ARMC5: variants seen among roughly 807,000 people sequenced by gnomAD.
ARMC5 encodes armadillo repeat-containing protein 5.
Under a neutral mutation model 60.5 loss-of-function variants are expected in ARMC5, and 28 were observed. The ratio of observed to expected loss-of-function variants is 0.46; its 90% confidence interval spans 0.34 to 0.63. The LOEUF (loss-of-function observed/expected upper bound fraction) is 0.63, where lower values mean the gene tolerates loss of function less well. Among genes scored for constraint, ARMC5 ranks in the 30% least tolerant of loss-of-function variants. ARMC5 has a pLI of 0.01. For missense variants in ARMC5, 1,189 were observed against 1,304.9 expected, an observed-to-expected ratio of 0.91 and a Z score of 1.37; for synonymous variants, 680 against 607.3, an observed-to-expected ratio of 1.12 and a Z score of -1.76.
rs1266994121 is a variant in ARMC5 at position 31,466,387 on chromosome 16, C to G, written c.2306C>G (p.Thr769Ser). Residue 769 changes from threonine to serine, a missense_variant, in exon 6 of 6, where the codon ACC becomes AGC. Transcript: ENST00000268314. This position sits in a 1 kb window ranked among gnomAD's most constrained non-coding sequence, Gnocchi z 8.0. ...QLPAQRAASA[T>S]ASPFFRALLS... is the part of the protein sequence containing the mutation. The stretch of plus-strand genomic sequence containing the variant: ...CCTGCCCAGCGAGCGGCCTCAGCCA[C>G]CGCCTCCCCTTTCTTCCGGGCCCTG... The G allele has an allele frequency of 1.7e-5, 27 of 1,612,620 alleles. No individual in the cohort carries two copies. The highest frequency in any genetic ancestry group is 3.3e-5 in the Admixed American group (2 of 59,988).
intron 1 of ARMC5, among the ~76,000 whole-genome samples, chr16:31,461,293 C>T (rs1416016496): frequency 6.6e-6 from 1 of 152,176 alleles, no homozygotes; most frequent in East Asian, 1.9e-4. Context: ...TGTCACTCCC[C>T]TTCATAAAAC....
In ARMC5 at chr16:31,466,886, C is replaced by T; in HGVS notation, c.2805C>T (p.Ala935=). ...TTGAGTTGGGGGCAAGGGTCCCTGC[C>T]TAGACTGTTGACGTCCCCTGGGAAG... ...MGIELGARVP[A] is the part of the protein sequence containing the mutation. The change falls in exon 6 of 6, where the codon GCC becomes GCT. Residue 935 remains alanine, a synonymous_variant. Coordinates refer to ENST00000268314, the MANE Select transcript of ARMC5 (RefSeq NM_001105247.2). The surrounding 1 kb of genome is among the most constrained non-coding windows in gnomAD (Gnocchi z 8.0). 6.5e-7 allele frequency: 1 copy of T among 1,538,588 alleles called. No homozygotes were observed. Among genetic ancestry groups the T allele is most frequent in the East Asian group, 2.3e-5 (1 of 44,094 alleles).
Position 31,466,739 on chromosome 16 carries a change from C to T in ARMC5, c.2658C>T (p.Arg886=). The T allele has an allele frequency of 6.4e-7, 1 of 1,564,596 alleles. No homozygotes were observed. The highest frequency in any genetic ancestry group is 1.9e-5 in the Admixed American group (1 of 52,466). The part of the protein sequence containing the change: ...GRPRLAAHCA[R]WTLGSEQCPR... Reference sequence around the variant, plus strand: ...CCCGGCTGGCTGCCCACTGTGCCCGCTGGACACTGGGGTCAGAGCAGTGCC... The same window carrying T: ...CCCGGCTGGCTGCCCACTGTGCCCGTTGGACACTGGGGTCAGAGCAGTGCC... Residue 886 remains arginine (R), a synonymous_variant, in exon 6 of 6, where the codon CGC becomes CGT. Coordinates refer to ENST00000268314, the MANE Select transcript of ARMC5 (RefSeq NM_001105247.2). This position sits in a 1 kb window ranked among gnomAD's most constrained non-coding sequence, Gnocchi z 8.0.
In ARMC5 at chr16:31,462,388, G is replaced by T; in HGVS notation, c.841G>T (p.Gly281Trp). The change falls in exon 3 of 6, where the codon GGG becomes TGG. Residue 281 changes from glycine (G) to tryptophan (W), a missense_variant. Gly to Trp is a radical substitution (Grantham distance 184). Transcript: ENST00000268314. The surrounding 1 kb of genome is among the most constrained non-coding windows in gnomAD (Gnocchi z 7.2). The part of the protein sequence containing the change: ...RACAEQLSLG[G>W]GLGPLVSLAS... ...CTGTGCTGAGCAGCTAAGTCTGGGT[G>T]GGGGATTGGGCCCACTCGTCAGCCT... is the stretch of plus-strand genomic sequence containing the variant. 25 of 1,609,400 alleles carry T rather than the reference G, an allele frequency of 1.6e-5. No homozygotes were observed. The highest frequency in any genetic ancestry group is 2.1e-5 in the Non-Finnish European group (25 of 1,177,200).
chr16:31,464,907 C>T lies in ARMC5; in HGVS notation c.1864+20C>T, dbSNP rs202102202. The T allele has an allele frequency of 6.8e-6, 11 of 1,609,220 alleles. No homozygotes were observed. The highest frequency in any genetic ancestry group is 1.1e-5 in the South Asian group (1 of 91,044). ...AGCTGGGTGAGTTCCCATACCCACC[C>T]GTCTCCTTGCCCCCATGTGAGTCCC... On this transcript the variant is annotated intron_variant, in intron 4 of 5. Coordinates refer to ENST00000268314, the MANE Select transcript of ARMC5 (RefSeq NM_001105247.2). The surrounding 1 kb of genome is among the most constrained non-coding windows in gnomAD (Gnocchi z 7.6).
At chr16:31,460,869 C>T (rs2082298473) in intron 1 of ARMC5, among the ~76,000 whole-genome samples, 1 of 152,210 alleles carries the variant, frequency 6.6e-6, no homozygotes, top group East Asian at 1.9e-4. Context: ...AAATTGGTGC[C>T]TCCTAGTGGC....
chr16:31,458,327 T>A (rs866149028), upstream of ARMC5: 6 of 1,382,124 alleles, frequency 4.3e-6, no homozygotes, highest in Middle Eastern at 1.1e-3. Flanking sequence ...GTGAGCGCGC[T>A]GGTGCTGGAT....
upstream of ARMC5, chr16:31,459,348 C>G: frequency 1.3e-6 from 2 of 1,535,810 alleles, no homozygotes; most frequent in Non-Finnish European, 1.7e-6. Flanking sequence ...AAGGTACTGC[C>G]GCGCCTCGTG....
upstream of ARMC5, chr16:31,459,148 C>A (rs2082274078): frequency 3.3e-6 from 5 of 1,500,026 alleles, no homozygotes; most frequent in Non-Finnish European, 4.4e-6. Flanking sequence ...GCGGTCCCCG[C>A]CGAGTGCACG....
rs1401404051 is a variant in ARMC5 at position 31,464,712 on chromosome 16, C to T, written c.1689C>T (p.Ser563=). 1.3e-6 allele frequency: 2 copies of T among 1,598,898 alleles called. No homozygotes were observed. The highest frequency in any genetic ancestry group is 4.5e-5 in the East Asian group (2 of 44,838). The stretch of plus-strand genomic sequence containing the variant: ...TGACCGGCGCACCGGGCCCGCCCAG[C>T]CCACGTGCACTGCGCATTCTGTCAC... ...TYVTGAPGPP[S]PRALRILSRL... is the part of the protein sequence containing the mutation. The change falls in exon 4 of 6, where the codon AGC becomes AGT. Residue 563 remains serine, a synonymous_variant. Coordinates refer to ENST00000268314, the MANE Select transcript of ARMC5 (RefSeq NM_001105247.2). The surrounding 1 kb of genome is among the most constrained non-coding windows in gnomAD (Gnocchi z 7.6).
Position 31,464,835 on chromosome 16 carries a change from T to C in ARMC5, c.1812T>C (p.Asp604=), listed in dbSNP as rs528087546. Reference sequence around the variant, plus strand: ...TGGTGCTGGGGGTGGCGCCTGACGATTGGCCGGCACCACGTGCCCGGCCCA... The same window carrying C: ...TGGTGCTGGGGGTGGCGCCTGACGACTGGCCGGCACCACGTGCCCGGCCCA... ...AWLVLGVAPD[D]WPAPRARPTL... Residue 604 remains aspartate, a synonymous_variant, in exon 4 of 6, where the codon GAT becomes GAC. Transcript: ENST00000268314. The surrounding 1 kb of genome is among the most constrained non-coding windows in gnomAD (Gnocchi z 7.6). 1.3e-6 allele frequency: 2 copies of C among 1,597,652 alleles called. No individual in the cohort carries two copies. Among genetic ancestry groups the C allele is most frequent in the Admixed American group, 1.7e-5 (1 of 59,742 alleles).
At position 31,464,396 on chromosome 16, in the gene ARMC5, C is replaced by G. The variant is rs1252478434; in HGVS notation, c.1373C>G (p.Ser458Trp). 6.6e-7 allele frequency: 1 copy of G among 1,521,266 alleles called. No individual in the cohort carries two copies. Among genetic ancestry groups the G allele is most frequent in the Non-Finnish European group, 8.8e-7 (1 of 1,134,670 alleles). 94.2% of individuals were successfully genotyped at this position (1,521,266 alleles called of 1,614,324 possible). A position where few individuals can be genotyped will look rare whatever the true frequency, so the allele number is the denominator to read the frequency against. ...AQGGSFRSLRSWLISEGYATG... is the reference protein window; with the variant it reads ...AQGGSFRSLRWWLISEGYATG... ...CCTTCCCTTTCTGCCCTCCGCAGGT[C>G]GTGGCTGATCTCCGAGGGCTATGCC... is the stretch of plus-strand genomic sequence containing the variant. Residue 458 changes from serine to tryptophan, a missense_variant and splice_region_variant, in exon 4 of 6, where the codon TCG becomes TGG. Ser to Trp is a radical substitution (Grantham distance 177). Around this residue, in one of 2 missense-constraint regions of ARMC5, gnomAD observed 862 missense variants for 1,071.2 expected, o/e 0.80. Transcript: ENST00000268314. The surrounding 1 kb of genome is among the most constrained non-coding windows in gnomAD (Gnocchi z 7.6).
upstream of ARMC5, chr16:31,459,456 CCT>C: frequency 6.4e-7 from 1 of 1,552,156 alleles, no homozygotes; most frequent in South Asian, 1.2e-5. Context: ...CGACGATTTC[CCT>C]GTCTTCCAGT....
At position 31,462,369 on chromosome 16, in the gene ARMC5, T is replaced by C. The variant is rs963684014; in HGVS notation, c.822T>C (p.Ala274=). The C allele has an allele frequency of 6.2e-7, 1 of 1,609,902 alleles. No homozygotes were observed. The highest frequency in any genetic ancestry group is 1.7e-5 in the Admixed American group (1 of 59,928). ...GCCGAGGCTGCTCCCGGGCCTGTGC[T>C]GAGCAGCTAAGTCTGGGTGGGGGAT... is the stretch of plus-strand genomic sequence containing the variant. ...ELSRGCSRAC[A]EQLSLGGGLG... The change falls in exon 3 of 6, where the codon GCT becomes GCC. Residue 274 remains alanine (A), a synonymous_variant. Coordinates refer to ENST00000268314, the MANE Select transcript of ARMC5 (RefSeq NM_001105247.2). This position sits in a 1 kb window ranked among gnomAD's most constrained non-coding sequence, Gnocchi z 7.2.
At chr16:31,458,842 C>T, upstream of ARMC5, 1 of 1,534,806 alleles carries the variant, frequency 6.5e-7, no homozygotes, top group Non-Finnish European at 8.7e-7. Context: ...TGAAGAACTC[C>T]CCGTTTCCTA....
upstream of ARMC5, chr16:31,458,587 C>G (rs1160683027): frequency 1.2e-5 from 18 of 1,473,096 alleles, no homozygotes; most frequent in Non-Finnish European, 1.5e-5. Flanking sequence ...CCGGCACTCG[C>G]AGGTTTTGGG....
chr16:31,464,442 C>A lies in ARMC5; in HGVS notation c.1419C>A (p.Ser473=). 1 of 1,579,104 alleles carries A rather than the reference C, an allele frequency of 6.3e-7. No individual in the cohort carries two copies. Among genetic ancestry groups the A allele is most frequent in the Non-Finnish European group, 8.6e-7 (1 of 1,165,446 alleles). Residue 473 remains serine, a synonymous_variant, in exon 4 of 6, where the codon TCC becomes TCA. Transcript: ENST00000268314. The surrounding 1 kb of genome is among the most constrained non-coding windows in gnomAD (Gnocchi z 7.6). ...ATGCCACAGGCCCTGATGACATCTC[C>A]CCCGACTGGTCTCCTGAGCAGTGTC... ...EGYATGPDDI[S]PDWSPEQCPP... is the part of the protein sequence containing the mutation.
At position 31,466,157 on chromosome 16, in the gene ARMC5, C is replaced by A. The variant is rs1193492936; in HGVS notation, c.2076C>A (p.Ala692=). Reference sequence around the variant, plus strand: ...TCCTTGCGGCGCTGACCCGGCCGGCCCCACACCCGCTCTTCCTCTTCTTTG... The same window carrying A: ...TCCTTGCGGCGCTGACCCGGCCGGCACCACACCCGCTCTTCCTCTTCTTTG... The part of the protein sequence containing the change: ...RLLLAALTRP[A]PHPLFLFFAA... The change falls in exon 6 of 6, where the codon GCC becomes GCA. Residue 692 remains alanine (A), a synonymous_variant. Coordinates refer to ENST00000268314, the MANE Select transcript of ARMC5 (RefSeq NM_001105247.2). This position sits in a 1 kb window ranked among gnomAD's most constrained non-coding sequence, Gnocchi z 8.0. 6.2e-7 allele frequency: 1 copy of A among 1,608,790 alleles called. No homozygotes were observed. The highest frequency in any genetic ancestry group is 8.5e-7 in the Non-Finnish European group (1 of 1,179,850).
rs769272226 is a variant in ARMC5, at chr16:31,466,286, C to T, written c.2205C>T (p.Leu735=). 6.2e-7 allele frequency: 1 copy of T among 1,613,956 alleles called. No individual in the cohort carries two copies. The highest frequency in any genetic ancestry group is 1.1e-5 in the South Asian group (1 of 91,088). ...ACCTAGACTCACCTTCCCCTTGCCTCTATGAACCTCTGCTGGGCCCAGCCC... is the reference window on the plus strand; with the variant it reads ...ACCTAGACTCACCTTCCCCTTGCCTTTATGAACCTCTGCTGGGCCCAGCCC... ...PMDLDSPSPC[L]YEPLLGPAPV... is the part of the protein sequence containing the mutation. Residue 735 remains leucine (L), a synonymous_variant, in exon 6 of 6, where the codon CTC becomes CTT. Coordinates refer to ENST00000268314, the MANE Select transcript of ARMC5 (RefSeq NM_001105247.2). This position sits in a 1 kb window ranked among gnomAD's most constrained non-coding sequence, Gnocchi z 8.0.
Sources: gnomAD v4.1 joint callset for allele counts (sites outside exome capture counted in the v4.1 genomes callset) on GRCh38, gnomAD v4.1.1 for gene constraint, gnomAD v4.1.1 regional missense constraint, Gnocchi (gnomAD v3.1) non-coding constraint, MANE v1.5 for transcripts, NCBI Gene and HGNC (gene_info 2026-07-23, HGNC 2026-07-21) for gene names.